The following AFG1L variants were observed in gnomAD, a reference collection of about 807,000 sequenced individuals.
AFG1L encodes AFG1 like ATPase, also known as AFG1-like ATPase.
Under a neutral mutation model 62.2 loss-of-function variants are expected in AFG1L, and 53 were observed. The observed-to-expected ratio is 0.85, with a 90% CI of 0.68 to 1.07. The LOEUF (loss-of-function observed/expected upper bound fraction) is 1.07. AFG1L is among the 50% of genes least tolerant of loss of function. The pLI, the probability that AFG1L is intolerant of heterozygous loss-of-function variation, is 0.00. For synonymous variants in AFG1L, 228 were observed against 210.3 expected, an observed-to-expected ratio of 1.08 and a Z score of -0.73; for missense variants, 555 against 590.5, an observed-to-expected ratio of 0.94 and a Z score of 0.62.
chr6:108,318,267 G>A, intron 1 of AFG1L: 2 of 319,978 alleles, frequency 6.3e-6, no homozygotes, highest in Admixed American at 3.9e-5. Context: ...TCCAGAAAAA[G>A]GCTAAAACAC....
At chr6:108,320,788 G>A (rs1194897956) in intron 1 of AFG1L, among the ~76,000 whole-genome samples, 1 of 152,124 alleles carries the variant, frequency 6.6e-6, no homozygotes, top group African/African-American at 2.4e-5. Flanking sequence ...TCAAGCTGGG[G>A]TGGTAGGATG....
intron 1 of AFG1L, among the ~76,000 whole-genome samples, chr6:108,316,523 G>T (rs1211447810): frequency 6.8e-6 from 1 of 147,700 alleles, no homozygotes; most frequent in Non-Finnish European, 1.5e-5. Context: ...TATTTATGGG[G>T]TACACTCTGA....
intron 7 of AFG1L, among the ~76,000 whole-genome samples, chr6:108,412,550 G>C (rs1226077682): frequency 1.3e-5 from 2 of 152,250 alleles, no homozygotes; most frequent in East Asian, 1.9e-4. Context: ...AAGCCCATCA[G>C]ACTAACAGCG....
Position 108,402,031 on chromosome 6 carries a change from G to T in AFG1L, c.784G>T (p.Val262Leu). 1.3e-6 allele frequency: 2 copies of T among 1,518,118 alleles called. No homozygotes were observed. Among genetic ancestry groups the T allele is most frequent in the Non-Finnish European group, 1.8e-6 (2 of 1,127,316 alleles). The allele number at this position is 1,518,118 out of a possible 1,614,324, so 94.0% of individuals were successfully genotyped here. A position where few individuals can be genotyped will look rare whatever the true frequency, so the allele number is the denominator to read the frequency against. ...AAATGGACTCCAAAGAGCTAACTTT[G>T]TACCATTCATAGCAGTCTTGAAGGT... ...YKNGLQRANF[V>L]PFIAVLKEYC... Residue 262 changes from valine (V) to leucine (L), a missense_variant, in exon 7 of 13, where the codon GTA becomes TTA. Transcript: ENST00000368977.
chr6:108,356,867 G>A (rs900712456), intron 5 of AFG1L, 47 bp downstream of exon 5: 1 of 1,480,306 alleles, frequency 6.8e-7, no homozygotes, highest in Admixed American at 2.0e-5. Flanking sequence ...ATTGAATGAG[G>A]TATGAAGATT....
At chr6:108,340,293 GT>G (rs889014363) in intron 2 of AFG1L, among the ~76,000 whole-genome samples, 36 of 140,722 alleles carry the variant, frequency 2.6e-4, no homozygotes, top group South Asian at 6.9e-4. Context: ...AACTGATGCA[GT>G]TTTTTTTTTT....
intron 8 of AFG1L, among the ~76,000 whole-genome samples, chr6:108,454,562 C>T (rs1772179448): frequency 6.6e-6 from 1 of 152,154 alleles, no homozygotes; most frequent in Non-Finnish European, 1.5e-5. Context: ...AAACCCTAAG[C>T]CATGACTGAA....
chr6:108,410,906 C>G (rs528239991), intron 7 of AFG1L, among the ~76,000 whole-genome samples: 2 of 152,078 alleles, frequency 1.3e-5, no homozygotes, highest in African/African-American at 2.4e-5. Context: ...ACTGAGGTAT[C>G]GGGTTCATCT....
At chr6:108,296,591 C>T (rs1226772951) in intron 1 of AFG1L, among the ~76,000 whole-genome samples, 1 of 152,074 alleles carries the variant, frequency 6.6e-6, no homozygotes, top group Non-Finnish European at 1.5e-5. Context: ...ACATGCTGTA[C>T]ACATTGTTTT....
At chr6:108,350,054 T>G (rs1399511772) in intron 3 of AFG1L, among the ~76,000 whole-genome samples, 3 of 151,736 alleles carry the variant, frequency 2.0e-5, no homozygotes, top group Non-Finnish European at 4.4e-5. Flanking sequence ...AAACCCCGCC[T>G]CTACTAAAAG....
At chr6:108,510,030 A>G (rs539485076) in intron 10 of AFG1L, among the ~76,000 whole-genome samples, 182 bp from the exon 11 acceptor site, 74 of 152,276 alleles carry the variant, frequency 4.9e-4, no homozygotes, top group African/African-American at 1.6e-3. Context: ...CTCAAGGAAA[A>G]TCATTATCAG....
At chr6:108,399,352 TA>T (rs1781461105) in intron 6 of AFG1L, among the ~76,000 whole-genome samples, 1 of 151,812 alleles carries the variant, frequency 6.6e-6, no homozygotes, top group Non-Finnish European at 1.5e-5. Context: ...CACACCCCAC[TA>T]ATTTTTGTAG....
chr6:108,500,991 T>C (rs1322730924), intron 10 of AFG1L, among the ~76,000 whole-genome samples: 2 of 152,154 alleles, frequency 1.3e-5, no homozygotes, highest in Non-Finnish European at 2.9e-5. Context: ...TTGCCCACTT[T>C]GAAGATAATT....
chr6:108,514,824 C>CA (rs1328998317), intron 11 of AFG1L, among the ~76,000 whole-genome samples: 9 of 151,724 alleles, frequency 5.9e-5, no homozygotes, highest in East Asian at 1.9e-4. Context: ...AAATGGAAAA[C>CA]AAAAAAAGGC....
At chr6:108,340,747 A>G (rs1026430279) in intron 2 of AFG1L, among the ~76,000 whole-genome samples, 4 of 152,142 alleles carry the variant, frequency 2.6e-5, no homozygotes, top group African/African-American at 9.7e-5. Flanking sequence ...TCAAACACTG[A>G]TAGAAGGTTG....
At chr6:108,373,481 T>C (rs1241925079) in intron 6 of AFG1L, among the ~76,000 whole-genome samples, 3 of 152,284 alleles carry the variant, frequency 2.0e-5, no homozygotes, top group African/African-American at 7.2e-5. Context: ...CTATTGTGAA[T>C]AGTGCTGTGA....
chr6:108,339,518 G>A (rs1480581858), intron 2 of AFG1L, among the ~76,000 whole-genome samples: 1 of 147,718 alleles, frequency 6.8e-6, no homozygotes, highest in Non-Finnish European at 1.5e-5. Flanking sequence ...GGAGTGCAGT[G>A]GCATGATCTC....
At chr6:108,417,336 A>G (rs1016419694) in intron 7 of AFG1L, among the ~76,000 whole-genome samples, 1 of 151,898 alleles carries the variant, frequency 6.6e-6, no homozygotes, top group Non-Finnish European at 1.5e-5. Context: ...CCTGACCCAC[A>G]CTGGCAGTTT....
chr6:108,426,937 T>C (rs1770840825), intron 7 of AFG1L, among the ~76,000 whole-genome samples: 1 of 152,186 alleles, frequency 6.6e-6, no homozygotes, highest in African/African-American at 2.4e-5. Flanking sequence ...TACATTTATG[T>C]GCATACATAT....
Sources: gnomAD v4.1 joint callset for allele counts (sites outside exome capture counted in the v4.1 genomes callset) on GRCh38, gnomAD v4.1.1 for gene constraint, MANE v1.5 for transcripts, NCBI Gene and HGNC (gene_info 2026-07-23, HGNC 2026-07-21) for gene names.